Variants in ESR1 observed in about 807,000 individuals in gnomAD.
ESR1 encodes the protein estrogen receptor 1.
ESR1 carries 12 observed loss-of-function variants against 52.7 expected under a neutral mutation model. The observed-to-expected ratio is 0.23, with a 90% CI of 0.15 to 0.37. ESR1 has a LOEUF of 0.37. Ranked by LOEUF, ESR1 falls within the 10% of genes least tolerant of loss-of-function variation. The pLI is 1.00. For synonymous variants in ESR1, 305 were observed against 316.8 expected (o/e 0.96, Z 0.39); for missense variants, 584 against 779.7 (o/e 0.75, Z 2.99).
chr6:151,683,757 G>A (rs1252568715), intron 1 of ESR1, among the ~76,000 whole-genome samples: 1 of 151,606 alleles, frequency 6.6e-6, no homozygotes, highest in African/African-American at 2.4e-5. Flanking sequence ...AGAGTGCAGA[G>A]GTGCTATCTC....
At chr6:151,997,253 T>C (rs1357486134) in intron 4 of ESR1, among the ~76,000 whole-genome samples, 1 of 152,050 alleles carries the variant, frequency 6.6e-6, no homozygotes, top group Non-Finnish European at 1.5e-5. Context: ...AATATAATTA[T>C]TTATTTTTAA....
chr6:151,888,274 C>T (rs9340852), intron 3 of ESR1, among the ~76,000 whole-genome samples: 22,964 of 152,050 alleles, frequency 0.15, 2,510 homozygotes, highest in African/African-American at 0.3. Flanking sequence ...ATATTTTTAA[C>T]AATATTAATT....
rs767663894 is a variant in ESR1, at chr6:152,122,657, C to T, written c.851-2609C>T. On this transcript the variant is annotated intron_variant, in intron 6 of 6. Transcript: ENST00000427531. Reference sequence around the variant, plus strand: ...GGCCCTGGCTCAGAAAGGGAGGAATCGGAGCCACCTTTTGTGGACCTGAGA... The same window carrying T: ...GGCCCTGGCTCAGAAAGGGAGGAATTGGAGCCACCTTTTGTGGACCTGAGA... The T allele has an allele frequency of 9.3e-6, 15 of 1,613,884 alleles. No homozygotes were observed. In the East Asian group the frequency reaches 2.7e-4, roughly 29 times the overall value.
intron 1 of ESR1, among the ~76,000 whole-genome samples, chr6:151,679,261 C>T (rs183763890): frequency 3.6e-4 from 55 of 152,304 alleles, no homozygotes; most frequent in East Asian, 1.7e-3. Context: ...ACTCCTCCCC[C>T]GTGTGACTCA....
At chr6:151,733,274 G>C (rs1206646884) in intron 2 of ESR1, among the ~76,000 whole-genome samples, 2 of 152,092 alleles carry the variant, frequency 1.3e-5, no homozygotes, top group African/African-American at 4.8e-5. Flanking sequence ...TCTAACTCAA[G>C]AGCCCAAGTT....
intron 5 of ESR1, among the ~76,000 whole-genome samples, chr6:152,031,709 G>A (rs9479167): frequency 2.9e-4 from 44 of 152,262 alleles, no homozygotes; most frequent in African/African-American, 1.0e-3. Context: ...TCTACCAGAG[G>A]TACAAGGAGG....
chr6:151,853,149 C>T (rs112670323), intron 2 of ESR1, among the ~76,000 whole-genome samples: 1,769 of 107,352 alleles, frequency 0.016, 38 homozygotes, highest in African/African-American at 0.061. Flanking sequence ...TCCAGCCTGG[C>T]GACAGAGTGA....
intron 5 of ESR1, among the ~76,000 whole-genome samples, chr6:152,040,038 C>A (rs1344687141): frequency 6.6e-6 from 1 of 152,136 alleles, no homozygotes; most frequent in Non-Finnish European, 1.5e-5. Context: ...GAGTAAGTGC[C>A]CATTCCAGTG....
chr6:152,070,029 C>T lies in ESR1; in HGVS notation c.1369+8905C>T, dbSNP rs138292658. Among the ~76,000 whole-genome samples the T allele has an allele frequency of 2.8e-3, 390 of 137,740 alleles. 108 individuals are homozygous for T. Among genetic ancestry groups the T allele is most frequent in the African/African-American group, 0.012 (373 of 31,090 alleles). 90.4% of individuals were successfully genotyped at this position (137,740 alleles called of 152,430 possible). On this transcript the variant is annotated intron_variant, in intron 6 of 7. Transcript: ENST00000206249. ...GACACAAGGGAATTTCTGGCAACAACATTAAACTACCAGTGAATGTCTCAT... is the reference window on the plus strand; with the variant it reads ...GACACAAGGGAATTTCTGGCAACAATATTAAACTACCAGTGAATGTCTCAT...
intron 6 of ESR1, among the ~76,000 whole-genome samples, chr6:152,119,317 C>A (rs1387944307): frequency 6.6e-6 from 1 of 152,140 alleles, no homozygotes; most frequent in Non-Finnish European, 1.5e-5. Flanking sequence ...TCACTTCTTA[C>A]AAAAACAAGA....
chr6:151,678,887 C>T (rs1778352268), intron 1 of ESR1, among the ~76,000 whole-genome samples: 1 of 151,812 alleles, frequency 6.6e-6, no homozygotes, highest in South Asian at 2.1e-4. Context: ...GGGTTTCACA[C>T]TGTTGACCAG....
At chr6:151,788,480 G>A (rs1327767683) in intron 2 of ESR1, among the ~76,000 whole-genome samples, 6 of 141,436 alleles carry the variant, frequency 4.2e-5, no homozygotes, top group African/African-American at 1.5e-4. Context: ...GCAGAGAAAT[G>A]GGAACACTTA....
intron 6 of ESR1, among the ~76,000 whole-genome samples, chr6:152,114,890 CAAAAAAAAA>C (rs60553265): frequency 2.9e-4 from 12 of 41,190 alleles, no homozygotes; most frequent in African/African-American, 4.5e-4. Context: ...GACTCCGTCT[CAAAAAAAAA>C]AAAAAAAAAA....
At chr6:151,748,474 G>A (rs757661427) in intron 2 of ESR1, among the ~76,000 whole-genome samples, 8 of 152,038 alleles carry the variant, frequency 5.3e-5, no homozygotes, top group African/African-American at 1.4e-4. Flanking sequence ...ACCTTCGTTC[G>A]TTTTAACAGC....
At chr6:151,888,706 T>C (rs1024810901) in intron 3 of ESR1, among the ~76,000 whole-genome samples, 4 of 152,266 alleles carry the variant, frequency 2.6e-5, no homozygotes, top group South Asian at 2.1e-4. Context: ...CAGTACTATG[T>C]TGAATAGAAG....
At chr6:152,032,851 G>A (rs1258375320) in intron 5 of ESR1, among the ~76,000 whole-genome samples, 52 of 152,160 alleles carry the variant, frequency 3.4e-4, no homozygotes, top group Non-Finnish European at 4.4e-5. Context: ...TAAGCCAAAA[G>A]AACAAAGCTG....
At chr6:151,941,701 T>C (rs2035084033) in intron 3 of ESR1, among the ~76,000 whole-genome samples, 2 of 152,190 alleles carry the variant, frequency 1.3e-5, no homozygotes, top group African/African-American at 4.8e-5. Context: ...TCTAGCCTCT[T>C]CTTGGAAACC....
intron 2 of ESR1, 53 bp from the exon 3 acceptor site, chr6:151,880,602 G>T: frequency 9.1e-7 from 1 of 1,103,362 alleles, no homozygotes; most frequent in South Asian, 1.2e-5. Context: ...TGTAGATTCT[G>T]ACTGGCTAAG....
chr6:152,065,449 CAT>C (rs749473328), intron 6 of ESR1, among the ~76,000 whole-genome samples: 4 of 152,172 alleles, frequency 2.6e-5, no homozygotes, highest in Non-Finnish European at 5.9e-5. Flanking sequence ...CAGAAAAATT[CAT>C]ATGTCAAAGC....
Sources: gnomAD v4.1 joint callset for allele counts (sites outside exome capture counted in the v4.1 genomes callset) on GRCh38, gnomAD v4.1.1 for gene constraint, MANE v1.5 for transcripts, NCBI Gene and HGNC (gene_info 2026-07-23, HGNC 2026-07-21) for gene names.